NRG1: variants seen among roughly 807,000 people sequenced by gnomAD.
NRG1 encodes the protein neuregulin 1, also known as pro-neuregulin-1, membrane-bound isoform.
A neutral mutation model predicts 63.8 loss-of-function variants in NRG1; 18 were observed. The observed-to-expected ratio is 0.28, with a 90% CI of 0.19 to 0.42. NRG1 has a LOEUF of 0.42. NRG1 is among the 10% of genes least tolerant of loss of function. The pLI is 1.00. For synonymous variants in NRG1, 302 were observed against 301.3 expected (o/e 1.00, Z -0.02); for missense variants, 762 against 814.7 (o/e 0.94, Z 0.79).
intron 1 of NRG1, chr8:32,440,821 C>G (rs774929957): frequency 6.6e-6 from 1 of 152,086 alleles, no homozygotes; most frequent in Non-Finnish European, 1.5e-5. Context: ...TTAATTAAAA[C>G]GAAGGGCTGA....
At chr8:32,189,039 G>A (rs1842234174) in intron 1 of NRG1, among the ~76,000 whole-genome samples, 1 of 152,054 alleles carries the variant, frequency 6.6e-6, no homozygotes, top group Non-Finnish European at 1.5e-5. Flanking sequence ...ACCCTGGATG[G>A]CATCTTGATA....
chr8:32,333,200 G>A (rs907231552), intron 1 of NRG1, among the ~76,000 whole-genome samples: 4 of 152,018 alleles, frequency 2.6e-5, no homozygotes, highest in African/African-American at 9.7e-5. Flanking sequence ...TCTCATTTAC[G>A]TTAATGGAAC....
intron 1 of NRG1, chr8:32,191,911 C>T (rs1425588007): frequency 6.6e-6 from 1 of 152,312 alleles, no homozygotes; most frequent in Non-Finnish European, 1.5e-5. Flanking sequence ...ACAATCAGAT[C>T]TTCCACCATC....
chr8:31,787,988 T>C (rs974732595), intron 1 of NRG1, among the ~76,000 whole-genome samples: 1 of 152,176 alleles, frequency 6.6e-6, no homozygotes, highest in Non-Finnish European at 1.5e-5. Context: ...TATAGAAACA[T>C]GTATTAACCC....
chr8:32,569,270 A>G (rs1260982927), intron 1 of NRG1, among the ~76,000 whole-genome samples: 1 of 152,076 alleles, frequency 6.6e-6, no homozygotes, highest in Non-Finnish European at 1.5e-5. Context: ...GCTGGTCTTG[A>G]GCTCTTGACT....
At chr8:32,110,012 CTA>C (rs1356988239) in intron 1 of NRG1, among the ~76,000 whole-genome samples, 4 of 152,084 alleles carry the variant, frequency 2.6e-5, no homozygotes, top group African/African-American at 7.2e-5. Context: ...ACTGACAATT[CTA>C]TGTCAGAGAG....
At chr8:31,680,907 T>C (rs914148736) in intron 1 of NRG1, among the ~76,000 whole-genome samples, 34 of 152,292 alleles carry the variant, frequency 2.2e-4, no homozygotes, top group African/African-American at 7.9e-4. Context: ...CAGGGAGTTT[T>C]GCCCTCCCAG....
intron 1 of NRG1, among the ~76,000 whole-genome samples, chr8:31,753,863 A>T (rs1205974482): frequency 2.6e-5 from 4 of 152,044 alleles, no homozygotes; most frequent in Admixed American, 2.6e-4. Context: ...CTTTGGATCT[A>T]AGTTACTAGT....
intron 4 of NRG1, among the ~76,000 whole-genome samples, chr8:32,615,229 T>A (rs1847136828): frequency 6.7e-6 from 1 of 148,384 alleles, no homozygotes; most frequent in South Asian, 2.1e-4. Flanking sequence ...CTCTATGTAT[T>A]TCATTTTTTA....
At chr8:32,297,529 T>C (rs1453073162) in intron 1 of NRG1, among the ~76,000 whole-genome samples, 1 of 152,200 alleles carries the variant, frequency 6.6e-6, no homozygotes, top group African/African-American at 2.4e-5. Flanking sequence ...GGCTTGCCCT[T>C]TAGTTGCTAC....
At chr8:32,412,962 T>C (rs969854908) in intron 1 of NRG1, among the ~76,000 whole-genome samples, 1 of 152,132 alleles carries the variant, frequency 6.6e-6, no homozygotes, top group Admixed American at 6.5e-5. Flanking sequence ...ACTGGGAAAT[T>C]ATACATAGAC....
chr8:31,749,736 G>GAT (rs35399357), intron 1 of NRG1, among the ~76,000 whole-genome samples: 144 of 146,630 alleles, frequency 9.8e-4, no homozygotes, highest in African/African-American at 1.5e-3. Context: ...TGATATATAT[G>GAT]ATATATATAT....
chr8:32,531,520 G>T, intron 1 of NRG1, among the ~76,000 whole-genome samples: 1 of 152,046 alleles, frequency 6.6e-6, no homozygotes, highest in East Asian at 1.9e-4. Context: ...TTCAGCCAAA[G>T]TAATAAAAGA....
intron 1 of NRG1, among the ~76,000 whole-genome samples, chr8:32,322,014 A>C (rs1801449150): frequency 6.6e-6 from 1 of 152,012 alleles, no homozygotes; most frequent in South Asian, 2.1e-4. Context: ...CCAGCTTTAA[A>C]ATTTTTTAAA....
chr8:31,739,839 T>C (rs913057382), intron 1 of NRG1, among the ~76,000 whole-genome samples: 1 of 152,092 alleles, frequency 6.6e-6, no homozygotes, highest in East Asian at 1.9e-4. Context: ...AGCCAGCTAG[T>C]ATTTTGAATA....
chr8:32,149,636 C>T (rs1403652459), intron 1 of NRG1, among the ~76,000 whole-genome samples: 1 of 152,126 alleles, frequency 6.6e-6, no homozygotes, highest in African/African-American at 2.4e-5. Flanking sequence ...CCCCAGGAGA[C>T]ACTCAGAATA....
chr8:32,655,361 G>A (rs1801235710), intron 5 of NRG1, among the ~76,000 whole-genome samples: 1 of 152,174 alleles, frequency 6.6e-6, no homozygotes, highest in South Asian at 2.1e-4. Flanking sequence ...TGACTTTGAG[G>A]AAATCACTTC....
intron 1 of NRG1, among the ~76,000 whole-genome samples, chr8:31,921,684 A>G (rs1387624102): frequency 2.6e-5 from 4 of 152,176 alleles, no homozygotes; most frequent in Non-Finnish European, 5.9e-5. Flanking sequence ...CTTGGTCATT[A>G]GTTCATTTTG....
At chr8:32,288,412 AT>A (rs1853798599) in intron 1 of NRG1, among the ~76,000 whole-genome samples, 1 of 152,248 alleles carries the variant, frequency 6.6e-6, no homozygotes. Flanking sequence ...GAAATATAAA[AT>A]TTAACAAATC....
Sources: allele counts gnomAD v4.1 joint callset (sites outside exome capture counted in the v4.1 genomes callset), GRCh38; gene constraint gnomAD v4.1.1; transcripts MANE v1.5; gene names NCBI Gene and HGNC (gene_info 2026-07-23, HGNC 2026-07-21).